MICAL2: variants seen among roughly 807,000 people sequenced by gnomAD.
MICAL2 encodes microtubule associated monooxygenase, calponin and LIM domain containing 2.
In MICAL2, 77 loss-of-function variants were observed where a neutral mutation model predicts 127.3. That is an observed-to-expected ratio of 0.60 (90% CI 0.50 to 0.73). The LOEUF (loss-of-function observed/expected upper bound fraction) is 0.73. Among genes scored for constraint, MICAL2 ranks in the 30% least tolerant of loss-of-function variants. The pLI is 0.00. For missense variants in MICAL2, 1,351 were observed against 1,434.4 expected (o/e 0.94, Z 0.94); for synonymous variants, 570 against 551.1 (o/e 1.03, Z -0.48).
At chr11:12,352,048 A>G (rs1424187626) in intron 33 of MICAL2, among the ~76,000 whole-genome samples, 1 of 152,130 alleles carries the variant, frequency 6.6e-6, no homozygotes, top group Non-Finnish European at 1.5e-5. Context: ...TCGGCCTCCC[A>G]AAGTGCTGGA....
At chr11:12,237,910 A>G (rs1424346604) in intron 16 of MICAL2, among the ~76,000 whole-genome samples, 6 of 152,158 alleles carry the variant, frequency 3.9e-5, no homozygotes, top group African/African-American at 4.8e-5. Context: ...CGTCCTGGCT[A>G]ACTTTGGTCT....
chr11:12,199,932 C>T (rs1278736922), intron 3 of MICAL2, among the ~76,000 whole-genome samples: 1 of 152,164 alleles, frequency 6.6e-6, no homozygotes, highest in Admixed American at 6.5e-5. Flanking sequence ...ATCCATGATG[C>T]TGGTGGCCCT....
intron 1 of MICAL2, among the ~76,000 whole-genome samples, chr11:12,119,930 A>G (rs1293214228): frequency 6.6e-6 from 1 of 152,240 alleles, no homozygotes; most frequent in Non-Finnish European, 1.5e-5. Context: ...TCACCCAGCC[A>G]GGTCAGAGTC....
intron 15 of MICAL2, among the ~76,000 whole-genome samples, chr11:12,235,692 C>T (rs1028650509): frequency 2.4e-4 from 37 of 152,246 alleles, no homozygotes; most frequent in South Asian, 8.3e-4. Context: ...GAGGTGAACC[C>T]GGTCACCTTC....
At chr11:12,128,993 G>GT (rs1409425010) in intron 1 of MICAL2, among the ~76,000 whole-genome samples, 4 of 152,162 alleles carry the variant, frequency 2.6e-5, no homozygotes, top group Non-Finnish European at 4.4e-5. Flanking sequence ...TAGTATTATT[G>GT]TAAGTGCCTT....
In MICAL2 at chr11:12,224,620, A is replaced by C. The variant is rs1857195947; in HGVS notation, c.1541-53A>C. ...GGCAATGAGAAGGGAGCGCCAGGGCAGACCGTGTGAGATTCCTGCAGAGCC... is the reference window on the plus strand; with the variant it reads ...GGCAATGAGAAGGGAGCGCCAGGGCCGACCGTGTGAGATTCCTGCAGAGCC... On this transcript the variant is annotated intron_variant, in intron 12 of 27. Transcript: ENST00000683283. 26 of 1,587,934 alleles carry C rather than the reference A, an allele frequency of 1.6e-5. No individual in the cohort carries two copies. In the South Asian group the frequency reaches 2.8e-4, roughly 17 times the overall value.
chr11:12,220,184 G>A lies in MICAL2; in HGVS notation c.949-17G>A. ...TTAGAGGGGGAGGTTGCTGCACCAT[G>A]TTTTCATCTTCCCCAGGACTACATC... On this transcript the variant is annotated splice_polypyrimidine_tract_variant and intron_variant, in intron 8 of 27. Transcript: ENST00000683283. The A allele has an allele frequency of 1.9e-6, 3 of 1,613,696 alleles. No individual in the cohort carries two copies. The highest frequency in any genetic ancestry group is 2.5e-6 in the Non-Finnish European group (3 of 1,179,772).
intron 1 of MICAL2, among the ~76,000 whole-genome samples, chr11:12,124,315 G>A (rs899656524): frequency 7.2e-5 from 11 of 152,052 alleles, no homozygotes; most frequent in African/African-American, 2.4e-4. Context: ...ATCTTTGACC[G>A]ACTGACTTTG....
At chr11:12,186,292 AAC>A (rs1858265624) in intron 3 of MICAL2, among the ~76,000 whole-genome samples, 2 of 152,052 alleles carry the variant, frequency 1.3e-5, no homozygotes, top group Admixed American at 1.3e-4. Flanking sequence ...TTGACTGAAT[AAC>A]AGGCTAGAAG....
rs1215408496 is a variant in MICAL2 at position 12,131,205 on chromosome 11, A to C, written c.-148-7185A>C. On this transcript the variant is annotated intron_variant, in intron 1 of 27. Transcript: ENST00000683283. Reference sequence around the variant, plus strand: ...CTACTCGGGAGGCTGAGGCAGGAGAATGGCGTGAACCCGGGAGGCGGAGCT... The same window carrying C: ...CTACTCGGGAGGCTGAGGCAGGAGACTGGCGTGAACCCGGGAGGCGGAGCT... Among the ~76,000 whole-genome samples the C allele has an allele frequency of 3.0e-5, 2 of 66,052 alleles. 1 individual carries two copies. Among genetic ancestry groups the C allele is most frequent in the East Asian group, 1.0e-3 (2 of 1,982 alleles). 43.3% of individuals were successfully genotyped at this position (66,052 alleles called of 152,430 possible). A position where few individuals can be genotyped will look rare whatever the true frequency, so the allele number is the denominator to read the frequency against.
At position 12,259,784 on chromosome 11, in the gene MICAL2, C is replaced by G. The variant is rs1350425681; in HGVS notation, c.3232-11C>G. The G allele has an allele frequency of 6.5e-7, 1 of 1,529,140 alleles. No individual in the cohort carries two copies. Among genetic ancestry groups the G allele is most frequent in the Non-Finnish European group, 8.8e-7 (1 of 1,136,892 alleles). 94.7% of individuals were successfully genotyped at this position (1,529,140 alleles called of 1,614,324 possible). On this transcript the variant is annotated splice_polypyrimidine_tract_variant and intron_variant, in intron 25 of 27. Coordinates refer to ENST00000683283, the MANE Select transcript of MICAL2 (RefSeq NM_001282663.2). ...TACAGACAAATGCCCTCATTTCCAT[C>G]TCTTTCTCAGGAGGAGGCAACATGG...
chr11:12,268,016 G>A (rs1347543442), downstream of MICAL2, among the ~76,000 whole-genome samples: 6 of 152,296 alleles, frequency 3.9e-5, no homozygotes, highest in South Asian at 6.2e-4. Flanking sequence ...GTATAACCCC[G>A]ACAGAATTGC....
chr11:12,343,889 G>A (rs773739299), intron 32 of MICAL2, among the ~76,000 whole-genome samples: 2 of 152,158 alleles, frequency 1.3e-5, no homozygotes, highest in African/African-American at 2.4e-5. Context: ...ATCTAGATAC[G>A]TGGAAAAAAT....
chr11:12,207,414 C>A (rs551771141), intron 4 of MICAL2, among the ~76,000 whole-genome samples: 4 of 152,226 alleles, frequency 2.6e-5, no homozygotes, highest in African/African-American at 4.8e-5. Context: ...TGGAGGCATA[C>A]GCATTTGTGC....
At chr11:12,231,449 CCCT>C (rs1280301011) in intron 15 of MICAL2, among the ~76,000 whole-genome samples, 2 of 152,180 alleles carry the variant, frequency 1.3e-5, no homozygotes, top group African/African-American at 4.8e-5. Context: ...CCCTCCCCAA[CCCT>C]CCTCTTCCTG....
intron 3 of MICAL2, among the ~76,000 whole-genome samples, chr11:12,199,953 G>A (rs1368345413): frequency 6.6e-6 from 1 of 152,194 alleles, no homozygotes; most frequent in East Asian, 1.9e-4. Flanking sequence ...GGCAGACCCT[G>A]GCTCCCCAAG....
chr11:12,175,446 A>G (rs1251879833), intron 3 of MICAL2, among the ~76,000 whole-genome samples: 1 of 152,090 alleles, frequency 6.6e-6, no homozygotes, highest in Non-Finnish European at 1.5e-5. Context: ...ACTCCACTCC[A>G]GCCCGGGCAA....
chr11:12,127,555 G>A (rs945406092), intron 1 of MICAL2, among the ~76,000 whole-genome samples: 59 of 152,074 alleles, frequency 3.9e-4, no homozygotes, highest in African/African-American at 1.3e-3. Flanking sequence ...GCTCGGGGAG[G>A]GCTGTAATTT....
chr11:12,216,741 T>G (rs1820092023), intron 8 of MICAL2, among the ~76,000 whole-genome samples: 1 of 152,344 alleles, frequency 6.6e-6, no homozygotes, highest in African/African-American at 2.4e-5. Context: ...ATTTCATTAT[T>G]CATGCAGTCA....
Sources: gnomAD v4.1 joint callset for allele counts (sites outside exome capture counted in the v4.1 genomes callset) on GRCh38, gnomAD v4.1.1 for gene constraint, MANE v1.5 for transcripts, NCBI Gene and HGNC (gene_info 2026-07-23, HGNC 2026-07-21) for gene names.